Variants in KCNQ1 observed in about 807,000 individuals in gnomAD.
KCNQ1 encodes potassium voltage-gated channel subfamily Q member 1.
Under a neutral mutation model 72.4 loss-of-function variants are expected in KCNQ1, and 49 were observed. The observed-to-expected ratio is 0.68, with a 90% CI of 0.54 to 0.86. The LOEUF is 0.86. Ranked by LOEUF, KCNQ1 falls within the 40% of genes least tolerant of loss-of-function variation. The probability of loss-of-function intolerance (pLI) is 0.00; values close to 1 mark genes in which losing one functional copy is unlikely to be tolerated. For missense variants in KCNQ1, 790 were observed against 945.1 expected (o/e 0.84, Z 2.15); for synonymous variants, 450 against 412.6 (o/e 1.09, Z -1.10).
At chr11:2,535,423 C>A (rs1013151055) in intron 2 of KCNQ1, among the ~76,000 whole-genome samples, 1 of 152,240 alleles carries the variant, frequency 6.6e-6, no homozygotes, top group East Asian at 1.9e-4. Flanking sequence ...TCAGAATCCA[C>A]CAAGCGGAAC....
chr11:2,485,434 G>A (rs1250663234), intron 1 of KCNQ1, among the ~76,000 whole-genome samples: 1 of 138,988 alleles, frequency 7.2e-6, no homozygotes, highest in African/African-American at 2.7e-5. Flanking sequence ...CTCTCGCACA[G>A]ATGAGAAAAT....
Position 2,482,032 on chromosome 11 carries a change from C to A in KCNQ1, c.386+36548C>A, listed in dbSNP as rs1040449057. ...GGGGACCACGGCCATCGGCTGTTTG[C>A]TTTATGAATTTGTGCCTCAGTTTCT... On this transcript the variant is annotated intron_variant, in intron 1 of 15. Coordinates refer to ENST00000155840, the MANE Select transcript of KCNQ1 (RefSeq NM_000218.3). The surrounding 1 kb of genome is among the most constrained non-coding windows in gnomAD (Gnocchi z 5.7). 2.6e-5 allele frequency among the ~76,000 whole-genome samples: 4 copies of A among 152,264 alleles called. No homozygotes were observed. In the South Asian group the frequency reaches 6.2e-4, roughly 24 times the overall value.
chr11:2,694,072 GT>G (rs1474360295), intron 11 of KCNQ1: 5 of 398,706 alleles, frequency 1.3e-5, no homozygotes, highest in Non-Finnish European at 1.3e-5. Flanking sequence ...CTGACACGTA[GT>G]TCCAACTAAA....
At chr11:2,771,852 C>T (rs1346663624) in intron 12 of KCNQ1, among the ~76,000 whole-genome samples, 1 of 152,208 alleles carries the variant, frequency 6.6e-6, no homozygotes, top group Admixed American at 6.5e-5. Flanking sequence ...CCCTTCCAGA[C>T]AGGAGGGAGT....
Position 2,670,352 on chromosome 11 carries a change from G to T in KCNQ1, c.1514+8271G>T. ...CAGAGTTCAGACTCAGTGGCTTTCA[G>T]ATGGTTAGTATAGGCTGAAATTCCA... On this transcript the variant is annotated intron_variant, in intron 11 of 15. Transcript: ENST00000155840. The surrounding 1 kb of genome is among the most constrained non-coding windows in gnomAD (Gnocchi z 4.9). 1 of 398,562 alleles carries T rather than the reference G, an allele frequency of 2.5e-6. No individual in the cohort carries two copies. The highest frequency in any genetic ancestry group is 4.4e-6 in the Non-Finnish European group (1 of 226,062). 24.7% of individuals were successfully genotyped at this position (398,562 alleles called of 1,614,324 possible).
Position 2,464,295 on chromosome 11 carries a change from T to C in KCNQ1, c.386+18811T>C, listed in dbSNP as rs112440014. 0.011 allele frequency among the ~76,000 whole-genome samples: 1,709 copies of C among 152,328 alleles called. 30 individuals carry two copies. The highest frequency in any genetic ancestry group is 0.038 in the African/African-American group (1,586 of 41,570). ...GTGTGGGCTGTGGGTTTTAATCTTT[T>C]CATTTTTGCTCATCTGAATTTTCTA... On this transcript the variant is annotated intron_variant, in intron 1 of 15. Transcript: ENST00000155840. This position sits in a 1 kb window ranked among gnomAD's most constrained non-coding sequence, Gnocchi z 5.0.
chr11:2,565,207 C>T lies in KCNQ1; in HGVS notation c.478-5421C>T, dbSNP rs999373662. On this transcript the variant is annotated intron_variant, in intron 2 of 15. Coordinates refer to ENST00000155840, the MANE Select transcript of KCNQ1 (RefSeq NM_000218.3). This position sits in a 1 kb window ranked among gnomAD's most constrained non-coding sequence, Gnocchi z 5.6. Reference sequence around the variant, plus strand: ...CAAAATCGAGCGGCTGGTCATTTCACGCTTTAAAGGAGCTGTGGCATTCTA... The same window carrying T: ...CAAAATCGAGCGGCTGGTCATTTCATGCTTTAAAGGAGCTGTGGCATTCTA... 3.3e-5 allele frequency among the ~76,000 whole-genome samples: 5 copies of T among 152,190 alleles called. No homozygotes were observed. The highest frequency in any genetic ancestry group is 1.3e-4 in the Admixed American group (2 of 15,284).
intron 10 of KCNQ1, among the ~76,000 whole-genome samples, chr11:2,596,944 C>A (rs560313178): frequency 6.6e-6 from 1 of 151,298 alleles, no homozygotes; most frequent in Non-Finnish European, 1.5e-5. Flanking sequence ...TTATTGATAA[C>A]CTAAAGAAAC....
In KCNQ1 at chr11:2,750,282, C is replaced by T. The variant is rs1314061893; in HGVS notation, c.1515-18562C>T. On this transcript the variant is annotated intron_variant, in intron 11 of 15. Transcript: ENST00000155840. The surrounding 1 kb of genome is among the most constrained non-coding windows in gnomAD (Gnocchi z 6.3). ...GGACGACAGAGCCCTCAGCCCAGGG[C>T]GGAGGACATGGGAGACGGGGGTATA... Among the ~76,000 whole-genome samples, 2 of 152,160 alleles carry T rather than the reference C, an allele frequency of 1.3e-5. No homozygotes were observed. Among genetic ancestry groups the T allele is most frequent in the Admixed American group, 6.5e-5 (1 of 15,288 alleles).
chr11:2,585,429 G>T, intron 8 of KCNQ1, 122 bp downstream of exon 8: 1 of 883,622 alleles, frequency 1.1e-6, no homozygotes, highest in Admixed American at 2.0e-5. Flanking sequence ...GGCCTGTGGG[G>T]CATACTCTGC....
At chr11:2,485,329 G>A (rs1263470946) in intron 1 of KCNQ1, among the ~76,000 whole-genome samples, 5 of 151,784 alleles carry the variant, frequency 3.3e-5, no homozygotes, top group East Asian at 1.9e-4. Context: ...AGAGCCAGGC[G>A]CCCACCCTGC....
chr11:2,584,258 C>A (rs921515471), intron 7 of KCNQ1, among the ~76,000 whole-genome samples: 1 of 11,486 alleles, frequency 8.7e-5, no homozygotes, highest in East Asian at 2.4e-3. Flanking sequence ...GGTATGTATC[C>A]TATACATCTA....
intron 15 of KCNQ1, among the ~76,000 whole-genome samples, chr11:2,800,895 G>A (rs923824078): frequency 8.5e-5 from 13 of 152,210 alleles, no homozygotes; most frequent in African/African-American, 3.1e-4. Flanking sequence ...GGCAGGAGGA[G>A]AAGGTGTGGC....
At position 2,652,039 on chromosome 11, in the gene KCNQ1, G is replaced by A; in HGVS notation, c.1394-9922G>A. 1 of 398,654 alleles carries A rather than the reference G, an allele frequency of 2.5e-6. No homozygotes were observed. The highest frequency in any genetic ancestry group is 2.1e-5 in the African/African-American group (1 of 48,756). The allele number at this position is 398,654 out of a possible 1,614,324, so 24.7% of individuals were successfully genotyped here. A position where few individuals can be genotyped will look rare whatever the true frequency, so the allele number is the denominator to read the frequency against. On this transcript the variant is annotated intron_variant, in intron 10 of 15. Transcript: ENST00000155840. This position sits in a 1 kb window ranked among gnomAD's most constrained non-coding sequence, Gnocchi z 5.9. ...TTGAGCCTCCCCCCAGTTCTGGGGT[G>A]GCTCTGACTGTGTCCAGGCTCCAAT... is the stretch of plus-strand genomic sequence containing the variant.
At chr11:2,845,131 G>C (rs1438088226) in intron 15 of KCNQ1, among the ~76,000 whole-genome samples, 2 of 152,228 alleles carry the variant, frequency 1.3e-5, no homozygotes, top group African/African-American at 4.8e-5. Flanking sequence ...GGCTGGTCCT[G>C]CCGGCAGCAG....
In KCNQ1 at chr11:2,759,815, C is replaced by G. The variant is rs1846361014; in HGVS notation, c.1515-9029C>G. On this transcript the variant is annotated intron_variant, in intron 11 of 15. Coordinates refer to ENST00000155840, the MANE Select transcript of KCNQ1 (RefSeq NM_000218.3). The surrounding 1 kb of genome is among the most constrained non-coding windows in gnomAD (Gnocchi z 4.4). ...GGCTCAGGGACACAGGTGAGGCCAG[C>G]CCCTCCTCCACCCTGGGCATCTCCA... Among the ~76,000 whole-genome samples the G allele has an allele frequency of 6.6e-6, 1 of 152,070 alleles. No individual in the cohort carries two copies. The highest frequency in any genetic ancestry group is 1.5e-5 in the Non-Finnish European group (1 of 67,980).
At chr11:2,811,184 C>A (rs552635105) in intron 15 of KCNQ1, among the ~76,000 whole-genome samples, 2 of 152,328 alleles carry the variant, frequency 1.3e-5, no homozygotes, top group South Asian at 4.1e-4. Context: ...CTACCCCAAT[C>A]CAAATGGAGC....
chr11:2,728,893 A>G (rs1459613802), intron 11 of KCNQ1, among the ~76,000 whole-genome samples: 2 of 152,226 alleles, frequency 1.3e-5, no homozygotes, highest in East Asian at 3.8e-4. Flanking sequence ...CTGTGCAGTC[A>G]GGGGTTTGAA....
chr11:2,676,835 G>T lies in KCNQ1; in HGVS notation c.1514+14754G>T, dbSNP rs1353750150. The T allele has an allele frequency of 1.5e-5, 6 of 398,580 alleles. No homozygotes were observed. The allele number at this position is 398,580 out of a possible 1,614,324, so 24.7% of individuals were successfully genotyped here. On this transcript the variant is annotated intron_variant, in intron 11 of 15. Coordinates refer to ENST00000155840, the MANE Select transcript of KCNQ1 (RefSeq NM_000218.3). This position sits in a 1 kb window ranked among gnomAD's most constrained non-coding sequence, Gnocchi z 4.2. ...TGGGATCTACCACAGGGGTCATGTT[G>T]TAATGACACCTGTCAGCTTTGACTG...
Sources: allele counts gnomAD v4.1 joint callset (sites outside exome capture counted in the v4.1 genomes callset), GRCh38; gene constraint gnomAD v4.1.1; non-coding constraint Gnocchi (gnomAD v3.1); transcripts MANE v1.5; gene names NCBI Gene and HGNC (gene_info 2026-07-23, HGNC 2026-07-21).